The following ANKIB1 variants were observed in gnomAD, a reference collection of about 807,000 sequenced individuals.
The protein encoded by ANKIB1 is ankyrin repeat and IBR domain-containing protein 1.
Under a neutral mutation model 122.1 loss-of-function variants are expected in ANKIB1, and 43 were observed. The ratio of observed to expected loss-of-function variants is 0.35; its 90% CI spans 0.28 to 0.45. ANKIB1 has a LOEUF of 0.45. ANKIB1 is among the 20% of genes least tolerant of loss of function. The pLI is 1.00. For synonymous variants in ANKIB1, 390 were observed against 442.0 expected (o/e 0.88, Z 1.48); for missense variants, 992 against 1,329.5 (o/e 0.75, Z 3.95).
At chr7:92,259,017 G>A (rs539690095) in intron 1 of ANKIB1, among the ~76,000 whole-genome samples, 1 of 152,124 alleles carries the variant, frequency 6.6e-6, no homozygotes, top group South Asian at 2.1e-4. Context: ...ACAGTGGCGC[G>A]ATCTTGGCTC....
intron 1 of ANKIB1, among the ~76,000 whole-genome samples, chr7:92,267,562 C>T (rs547662334): frequency 6.6e-6 from 1 of 152,018 alleles, no homozygotes. Context: ...TTTTATTTGT[C>T]TTGTATATCT....
intron 4 of ANKIB1, among the ~76,000 whole-genome samples, chr7:92,321,397 T>C (rs917870913): frequency 3.3e-5 from 5 of 152,186 alleles, no homozygotes; most frequent in Middle Eastern, 3.2e-3. Context: ...TTATTTTTCA[T>C]AGGACCTATC....
chr7:92,320,393 C>T (rs1056321634), intron 4 of ANKIB1, among the ~76,000 whole-genome samples: 2 of 152,192 alleles, frequency 1.3e-5, no homozygotes, highest in Non-Finnish European at 2.9e-5. Context: ...CTGCCCTCAT[C>T]TTACTTGAAT....
chr7:92,342,956 A>G, intron 5 of ANKIB1, 68 bp from the exon 6 acceptor site: 1 of 1,431,018 alleles, frequency 7.0e-7, no homozygotes, highest in South Asian at 1.2e-5. Context: ...TATTTTTGTT[A>G]TTATATAGCT....
chr7:92,282,001 A>G (rs1802019904), intron 1 of ANKIB1, among the ~76,000 whole-genome samples: 1 of 152,236 alleles, frequency 6.6e-6, no homozygotes. Context: ...TAAAAGCAGT[A>G]AAAATTATTT....
intron 1 of ANKIB1, among the ~76,000 whole-genome samples, chr7:92,265,351 G>C (rs1801650281): frequency 6.6e-6 from 1 of 152,046 alleles, no homozygotes; most frequent in Non-Finnish European, 1.5e-5. Flanking sequence ...GTAATGATAA[G>C]AATATTTTAG....
At chr7:92,319,925 C>A (rs1802870642) in intron 4 of ANKIB1, 1 of 154,784 alleles carries the variant, frequency 6.5e-6, no homozygotes, top group African/African-American at 2.4e-5. Context: ...CAAAGTGAGA[C>A]CCTGTCTCTA....
At chr7:92,382,525 TCA>T (rs1159626980) in intron 11 of ANKIB1, among the ~76,000 whole-genome samples, 1 of 152,092 alleles carries the variant, frequency 6.6e-6, no homozygotes, top group Non-Finnish European at 1.5e-5. Flanking sequence ...AGAACAGAAA[TCA>T]CAACAAACTG....
At chr7:92,289,379 A>G (rs1802201565) in intron 1 of ANKIB1, among the ~76,000 whole-genome samples, 1 of 152,164 alleles carries the variant, frequency 6.6e-6, no homozygotes, top group African/African-American at 2.4e-5. Flanking sequence ...CCTTTTGTTC[A>G]TTTGTATTTT....
chr7:92,339,264 G>A (rs1220712451), intron 5 of ANKIB1, among the ~76,000 whole-genome samples: 1 of 151,584 alleles, frequency 6.6e-6, no homozygotes, highest in Non-Finnish European at 1.5e-5. Context: ...GGATGGTCTT[G>A]ATCTCCTGAC....
intron 3 of ANKIB1, among the ~76,000 whole-genome samples, chr7:92,309,479 T>C (rs1418327034): frequency 6.6e-6 from 1 of 152,182 alleles, no homozygotes; most frequent in Non-Finnish European, 1.5e-5. Context: ...TGGGGCTTTT[T>C]ACACAAGCTT....
At chr7:92,324,559 G>A (rs546314517) in intron 4 of ANKIB1, among the ~76,000 whole-genome samples, 62 of 152,212 alleles carry the variant, frequency 4.1e-4, no homozygotes, top group African/African-American at 1.3e-3. Flanking sequence ...AAACATCAAT[G>A]CTTTCTTTAA....
At chr7:92,370,236 C>T (rs1189451716) in intron 10 of ANKIB1, among the ~76,000 whole-genome samples, 1 of 151,818 alleles carries the variant, frequency 6.6e-6, no homozygotes, top group Non-Finnish European at 1.5e-5. Flanking sequence ...GGGCCGGGCA[C>T]GGTGGCTCAC....
chr7:92,337,374 C>T (rs1803311355), intron 5 of ANKIB1, among the ~76,000 whole-genome samples: 1 of 152,052 alleles, frequency 6.6e-6, no homozygotes, highest in Admixed American at 6.6e-5. Flanking sequence ...CTTTTTCTTA[C>T]TATTTAAGAG....
intron 2 of ANKIB1, among the ~76,000 whole-genome samples, chr7:92,299,360 T>C (rs1354570252): frequency 6.6e-6 from 1 of 152,224 alleles, no homozygotes; most frequent in Non-Finnish European, 1.5e-5. Flanking sequence ...GTGAAAGATA[T>C]ATTCAAAATG....
chr7:92,383,045 A>G (rs1804555295), intron 11 of ANKIB1, among the ~76,000 whole-genome samples: 1 of 152,226 alleles, frequency 6.6e-6, no homozygotes, highest in Non-Finnish European at 1.5e-5. Flanking sequence ...GCAATAAAAA[A>G]TGATAAAGGG....
Position 92,311,854 on chromosome 7 carries a change from A to G in ANKIB1, c.486+4198A>G, listed in dbSNP as rs111372356. On this transcript the variant is annotated intron_variant, in intron 3 of 19. Coordinates refer to ENST00000265742, the MANE Select transcript of ANKIB1 (RefSeq NM_019004.2). Reference sequence around the variant, plus strand: ...GGTTATCTGTGTCTCTGATGCCTATATCTGACTTCTCTGAACTTCATGCTA... The same window carrying G: ...GGTTATCTGTGTCTCTGATGCCTATGTCTGACTTCTCTGAACTTCATGCTA... Among the ~76,000 whole-genome samples the G allele has an allele frequency of 3.0e-3, 450 of 152,222 alleles. 3 individuals are homozygous for G. Among genetic ancestry groups the G allele is most frequent in the African/African-American group, 0.011 (439 of 41,526 alleles).
chr7:92,308,841 G>A (rs1802626000), intron 3 of ANKIB1, among the ~76,000 whole-genome samples: 2 of 152,084 alleles, frequency 1.3e-5, no homozygotes, highest in African/African-American at 2.4e-5. Context: ...TGTGTGAGGA[G>A]CATATTAGAC....
At chr7:92,335,871 A>G (rs1803277313) in intron 5 of ANKIB1, among the ~76,000 whole-genome samples, 1 of 151,690 alleles carries the variant, frequency 6.6e-6, no homozygotes, top group Admixed American at 6.6e-5. Context: ...TGTATTTTGA[A>G]TTAGTTGAAT....
Sources: gnomAD v4.1 joint callset for allele counts (sites outside exome capture counted in the v4.1 genomes callset) on GRCh38, gnomAD v4.1.1 for gene constraint, MANE v1.5 for transcripts, NCBI Gene and HGNC (gene_info 2026-07-23, HGNC 2026-07-21) for gene names.